DGKB: variants seen among roughly 807,000 people sequenced by gnomAD.
The protein encoded by DGKB is 90 kDa diacylglycerol kinase.
Under a neutral mutation model 114.3 loss-of-function variants are expected in DGKB, and 67 were observed. The ratio of observed to expected loss-of-function variants is 0.59; its 90% CI spans 0.48 to 0.72. The LOEUF (loss-of-function observed/expected upper bound fraction) is 0.72. Ranked by LOEUF, DGKB falls within the 30% of genes least tolerant of loss-of-function variation. DGKB has a pLI of 0.00. For missense variants in DGKB, 907 were observed against 975.2 expected, an observed-to-expected ratio of 0.93 and a Z score of 0.93; for synonymous variants, 398 against 323.1, an observed-to-expected ratio of 1.23 and a Z score of -2.49.
chr7:14,176,006 C>G (rs1316808122), intron 25 of DGKB: 1 of 151,870 alleles, frequency 6.6e-6, no homozygotes, highest in Non-Finnish European at 1.5e-5. Flanking sequence ...TTATACTAAG[C>G]TTTTGGCTAT....
chr7:14,595,599 TATAA>T (rs895891904), intron 17 of DGKB, among the ~76,000 whole-genome samples: 3 of 149,834 alleles, frequency 2.0e-5, no homozygotes, highest in Non-Finnish European at 4.4e-5. Context: ...GATGTATATA[TATAA>T]ATATGTATAA....
At chr7:14,660,266 T>G (rs2128921743) in intron 13 of DGKB, among the ~76,000 whole-genome samples, 1 of 151,914 alleles carries the variant, frequency 6.6e-6, no homozygotes, top group Non-Finnish European at 1.5e-5. Context: ...TTAGGGAGGA[T>G]TCCCTCTTTT....
intron 20 of DGKB, among the ~76,000 whole-genome samples, chr7:14,491,630 G>A (rs1463608243): frequency 1.3e-5 from 2 of 151,986 alleles, no homozygotes; most frequent in South Asian, 4.1e-4. Flanking sequence ...ATATTATTCA[G>A]AAATTTAGAG....
chr7:14,361,933 T>C (rs980732800), intron 21 of DGKB, among the ~76,000 whole-genome samples: 3 of 152,070 alleles, frequency 2.0e-5, no homozygotes, highest in African/African-American at 2.4e-5. Flanking sequence ...CCTGTATTTT[T>C]ACATGAGTCA....
chr7:14,765,450 T>A (rs1162125897), intron 2 of DGKB, among the ~76,000 whole-genome samples: 2 of 152,042 alleles, frequency 1.3e-5, no homozygotes, highest in African/African-American at 2.4e-5. Flanking sequence ...AAAATTTCCT[T>A]TCTCCTTTTC....
At chr7:14,841,087 G>T (rs1847869759) in intron 2 of DGKB, 107 bp downstream of exon 2, 2 of 988,606 alleles carry the variant, frequency 2.0e-6, no homozygotes, top group Non-Finnish European at 3.0e-6. Flanking sequence ...GGCAGAGCTG[G>T]ATCTATCCCC....
At chr7:14,442,774 T>C (rs900230154) in intron 21 of DGKB, among the ~76,000 whole-genome samples, 1 of 152,142 alleles carries the variant, frequency 6.6e-6, no homozygotes, top group African/African-American at 2.4e-5. Flanking sequence ...TCAAACTCCC[T>C]GGCTGAAGCC....
At chr7:14,384,829 CA>C (rs1384038482) in intron 21 of DGKB, among the ~76,000 whole-genome samples, 1 of 152,038 alleles carries the variant, frequency 6.6e-6, no homozygotes, top group African/African-American at 2.4e-5. Flanking sequence ...AGGCAGAGGC[CA>C]GGGGTGCTGC....
intron 6 of DGKB, among the ~76,000 whole-genome samples, chr7:14,712,443 C>T (rs1017840994): frequency 5.9e-5 from 9 of 151,948 alleles, no homozygotes; most frequent in East Asian, 3.9e-4. Flanking sequence ...GAAAATGAGG[C>T]GGGCGGATAT....
At chr7:14,593,049 C>G (rs1045290200) in intron 17 of DGKB, among the ~76,000 whole-genome samples, 5 of 151,906 alleles carry the variant, frequency 3.3e-5, no homozygotes. Context: ...TCTTTATAAA[C>G]CCAGTGTAAA....
At chr7:14,400,058 A>C (rs1822853637) in intron 21 of DGKB, among the ~76,000 whole-genome samples, 2 of 151,952 alleles carry the variant, frequency 1.3e-5, no homozygotes, top group Admixed American at 1.3e-4. Context: ...TTGTATGCTG[A>C]AGTGCGTGTA....
At chr7:14,803,289 T>A (rs917792207) in intron 2 of DGKB, among the ~76,000 whole-genome samples, 2 of 152,162 alleles carry the variant, frequency 1.3e-5, no homozygotes, top group African/African-American at 4.8e-5. Context: ...ATTTTCCTCA[T>A]CTATTATTAC....
At chr7:14,528,350 C>G (rs1005481994) in intron 20 of DGKB, among the ~76,000 whole-genome samples, 4 of 151,988 alleles carry the variant, frequency 2.6e-5, no homozygotes, top group Admixed American at 1.3e-4. Flanking sequence ...ACCCACGATG[C>G]CTTACATATG....
chr7:14,264,041 C>G (rs952536597), intron 23 of DGKB, among the ~76,000 whole-genome samples: 6 of 152,028 alleles, frequency 3.9e-5, no homozygotes, highest in Non-Finnish European at 7.4e-5. Flanking sequence ...GAGTGCAGTT[C>G]TATTTTTGAA....
At chr7:14,283,842 A>G (rs1266517923) in intron 23 of DGKB, among the ~76,000 whole-genome samples, 1 of 152,062 alleles carries the variant, frequency 6.6e-6, no homozygotes, top group Non-Finnish European at 1.5e-5. Flanking sequence ...TCCCTTCCTT[A>G]CACCTTATAC....
At chr7:14,405,204 A>G (rs1823751309) in intron 21 of DGKB, among the ~76,000 whole-genome samples, 1 of 152,030 alleles carries the variant, frequency 6.6e-6, no homozygotes, top group African/African-American at 2.4e-5. Flanking sequence ...CAACAGAAGA[A>G]TGGGTAATAT....
chr7:14,871,297 A>G (rs1391388708), intron 1 of DGKB, among the ~76,000 whole-genome samples: 2 of 152,126 alleles, frequency 1.3e-5, no homozygotes, highest in East Asian at 1.9e-4. Context: ...CAAAATACAT[A>G]ATACATTTTT....
At position 14,960,738 on chromosome 7, in the gene DGKB, G is replaced by C. The variant is rs1237731928; in HGVS notation, c.-188+13958C>G. Among the ~76,000 whole-genome samples, 6 of 152,036 alleles carry C rather than the reference G, an allele frequency of 3.9e-5. No homozygotes were observed. The South Asian group carries it at 6.2e-4, about 16-fold the overall frequency. On this transcript the variant is annotated intron_variant, in intron 1 of 4. Coordinates refer to the DGKB transcript ENST00000437998. ...GTCAATCTGTGTTATTATTACTAATGTCACATCACAGATCATCTTTTTGCC... is the reference window on the plus strand; with the variant it reads ...GTCAATCTGTGTTATTATTACTAATCTCACATCACAGATCATCTTTTTGCC...
intron 23 of DGKB, among the ~76,000 whole-genome samples, chr7:14,257,972 C>T (rs1283143217): frequency 1.3e-5 from 2 of 152,174 alleles, no homozygotes; most frequent in Non-Finnish European, 2.9e-5. Flanking sequence ...AGGTAATCCA[C>T]TTGCCTCGGC....
Sources: allele counts gnomAD v4.1 joint callset (sites outside exome capture counted in the v4.1 genomes callset), GRCh38; gene constraint gnomAD v4.1.1; transcripts MANE v1.5; gene names NCBI Gene and HGNC (gene_info 2026-07-23, HGNC 2026-07-21).